RELL1: variants seen among roughly 807,000 people sequenced by gnomAD.
The protein encoded by RELL1 is RELT like 1, also known as RELT-like protein 1.
A neutral mutation model predicts 23.0 loss-of-function variants in RELL1; 10 were observed. The ratio of observed to expected loss-of-function variants is 0.43; its 90% CI spans 0.27 to 0.74. RELL1 has a LOEUF of 0.74. RELL1 is among the 30% of genes least tolerant of loss of function. The pLI is 0.19. For missense variants in RELL1, 315 were observed against 364.4 expected, an observed-to-expected ratio of 0.86 and a Z score of 1.10; for synonymous variants, 146 against 146.8, an observed-to-expected ratio of 0.99 and a Z score of 0.04.
intron 1 of RELL1, among the ~76,000 whole-genome samples, chr4:37,664,936 C>T (rs1721477775): frequency 3.9e-5 from 6 of 152,114 alleles, no homozygotes; most frequent in Admixed American, 3.9e-4. Flanking sequence ...ACACAGAACT[C>T]GCCGGAAAAC....
At chr4:37,624,970 GC>G (rs1387509961) in intron 6 of RELL1, among the ~76,000 whole-genome samples, 1 of 152,192 alleles carries the variant, frequency 6.6e-6, no homozygotes, top group Admixed American at 6.5e-5. Context: ...GATACTCTGT[GC>G]CAAGGATTGA....
chr4:37,586,892 A>G (rs934228117), downstream of RELL1, among the ~76,000 whole-genome samples: 2 of 152,236 alleles, frequency 1.3e-5, no homozygotes, highest in African/African-American at 4.8e-5. Context: ...CCTGGGCAAC[A>G]GAGTGAGGCT....
chr4:37,621,615 C>T (rs1719770116), intron 6 of RELL1, among the ~76,000 whole-genome samples: 1 of 152,146 alleles, frequency 6.6e-6, no homozygotes, highest in African/African-American at 2.4e-5. Flanking sequence ...TGTCTTTAGG[C>T]CCTCCAAAGT....
At chr4:37,591,157 C>T in exon 7 of RELL1, 1 of 623,328 alleles carries the variant, frequency 1.6e-6, no homozygotes, top group South Asian at 2.1e-5. Context: ...AGCATCTGTC[C>T]CATGCTGCTT....
At chr4:37,592,040 C>G (rs575504185) in intron 6 of RELL1, among the ~76,000 whole-genome samples, 113 of 151,876 alleles carry the variant, frequency 7.4e-4, no homozygotes, top group African/African-American at 2.7e-3. Flanking sequence ...AACCCTGTCT[C>G]TACTAAAAAT....
chr4:37,604,681 G>A (rs966909046), intron 6 of RELL1, among the ~76,000 whole-genome samples: 2 of 151,986 alleles, frequency 1.3e-5, no homozygotes, highest in Admixed American at 6.6e-5. Flanking sequence ...ATGCAGAAGC[G>A]GGTGGGGAAC....
chr4:37,618,081 G>A (rs901815906), intron 6 of RELL1, among the ~76,000 whole-genome samples: 1 of 152,146 alleles, frequency 6.6e-6, no homozygotes, highest in Admixed American at 6.5e-5. Flanking sequence ...AATCAGCTTC[G>A]ACGCAAGAAA....
chr4:37,659,005 T>TCATA (rs1205886751), intron 1 of RELL1, among the ~76,000 whole-genome samples: 1 of 152,168 alleles, frequency 6.6e-6, no homozygotes, highest in Admixed American at 6.5e-5. Context: ...CTTATGCAGG[T>TCATA]CATAACCTGG....
downstream of RELL1, chr4:37,589,023 C>T (rs1050535615): frequency 1.7e-5 from 12 of 686,470 alleles, no homozygotes; most frequent in Non-Finnish European, 2.3e-5. Flanking sequence ...ATTGCCAACA[C>T]ATTAAGAGTT....
chr4:37,664,437 A>ACTT (rs1721462217), intron 1 of RELL1, among the ~76,000 whole-genome samples: 1 of 152,178 alleles, frequency 6.6e-6, no homozygotes, highest in South Asian at 2.1e-4. Context: ...CATAAAGGTA[A>ACTT]AAGTAAAAGA....
chr4:37,631,621 A>G lies in RELL1; in HGVS notation c.681-98T>C. 3 of 1,351,336 alleles carry G rather than the reference A, an allele frequency of 2.2e-6. No individual in the cohort carries two copies. The South Asian group carries it at 4.1e-5, about 19-fold the overall frequency. The allele number at this position is 1,351,336 out of a possible 1,614,324, so 83.7% of individuals were successfully genotyped here. ...CATCCACCCAGAGGATCTCAAATGAACTCAGCCAAAAGTTAGGACACAAAT... is the reference window on the plus strand; with the variant it reads ...CATCCACCCAGAGGATCTCAAATGAGCTCAGCCAAAAGTTAGGACACAAAT... On this transcript the variant is annotated intron_variant, in intron 5 of 6. Coordinates refer to ENST00000454158, the MANE Select transcript of RELL1 (RefSeq NM_001085400.2).
chr4:37,680,913 CAG>C (rs1722194957), intron 1 of RELL1, among the ~76,000 whole-genome samples: 1 of 117,908 alleles, frequency 8.5e-6, no homozygotes, highest in Non-Finnish European at 1.6e-5. Context: ...GCCTGGGTGA[CAG>C]AGCAACACTC....
At chr4:37,670,868 G>A (rs564794126) in intron 1 of RELL1, among the ~76,000 whole-genome samples, 4 of 152,026 alleles carry the variant, frequency 2.6e-5, no homozygotes, top group Admixed American at 6.6e-5. Flanking sequence ...CACCGCACCC[G>A]GCCGCCCCAC....
rs73807858 is a variant in RELL1 at position 37,623,649 on chromosome 4, C to G, written c.*3+7736G>C. Among the ~76,000 whole-genome samples the G allele has an allele frequency of 9.5e-3, 1,443 of 152,292 alleles. 22 individuals are homozygous for G. Among genetic ancestry groups the G allele is most frequent in the African/African-American group, 0.033 (1,391 of 41,544 alleles). Reference sequence around the variant, plus strand: ...AGAGCAGGGCCTGGGCAGATGCTCACCTCCCTCCACCTCCACATTTCAGAT... The same window carrying G: ...AGAGCAGGGCCTGGGCAGATGCTCAGCTCCCTCCACCTCCACATTTCAGAT... On this transcript the variant is annotated intron_variant, in intron 6 of 6. Coordinates refer to ENST00000454158, the MANE Select transcript of RELL1 (RefSeq NM_001085400.2).
chr4:37,646,339 T>C (rs1720709732), intron 3 of RELL1, among the ~76,000 whole-genome samples: 1 of 152,208 alleles, frequency 6.6e-6, no homozygotes, highest in South Asian at 2.1e-4. Context: ...AAATACTAAA[T>C]TTCATAAAAG....
chr4:37,610,471 A>T (rs1220489030), downstream of RELL1, among the ~76,000 whole-genome samples: 5 of 152,110 alleles, frequency 3.3e-5, no homozygotes, highest in South Asian at 6.2e-4. The surrounding 1 kb of genome is among the most constrained non-coding windows in gnomAD (Gnocchi z 4.1). Context: ...GGGGTACTGC[A>T]GGAGGGGAAA....
downstream of RELL1, among the ~76,000 whole-genome samples, chr4:37,587,280 C>A (rs1718382481): frequency 6.6e-6 from 1 of 152,128 alleles, no homozygotes; most frequent in African/African-American, 2.4e-5. Context: ...GAAAATCCTA[C>A]ACTTAATCAC....
At chr4:37,590,560 G>A, downstream of RELL1, 1 of 1,614,172 alleles carries the variant, frequency 6.2e-7, no homozygotes, top group Non-Finnish European at 8.5e-7. Context: ...TCCTTCTGAG[G>A]CAGAAAGTTT....
chr4:37,596,737 T>TATATATATATATATATATATATATATA (rs58665893), intron 6 of RELL1, among the ~76,000 whole-genome samples: 1 of 14,474 alleles, frequency 6.9e-5, no homozygotes, highest in Non-Finnish European at 1.2e-4. Flanking sequence ...TATATATATA[T>TATATATATATATATATATATATATATA]TTTTTTTTTT....
Sources: gnomAD v4.1 joint callset for allele counts (sites outside exome capture counted in the v4.1 genomes callset) on GRCh38, gnomAD v4.1.1 for gene constraint, Gnocchi (gnomAD v3.1) non-coding constraint, MANE v1.5 for transcripts, NCBI Gene and HGNC (gene_info 2026-07-23, HGNC 2026-07-21) for gene names.